CFAP43: variants seen among roughly 807,000 people sequenced by gnomAD.
CFAP43 encodes cilia- and flagella-associated protein 43.
In CFAP43, 155 loss-of-function variants were observed where a neutral mutation model predicts 218.9. The ratio of observed to expected loss-of-function variants is 0.71; its 90% CI spans 0.62 to 0.81. The LOEUF (loss-of-function observed/expected upper bound fraction) is 0.81, where lower values mean the gene tolerates loss of function less well. Ranked by LOEUF, CFAP43 falls within the 30% of genes least tolerant of loss-of-function variation. The pLI is 0.00. For synonymous variants in CFAP43, 645 were observed against 681.3 expected, an observed-to-expected ratio of 0.95 and a Z score of 0.83; for missense variants, 1,778 against 1,954.3, an observed-to-expected ratio of 0.91 and a Z score of 1.70.
intron 24 of CFAP43, among the ~76,000 whole-genome samples, chr10:104,162,673 G>C (rs542154503): frequency 1.1e-4 from 17 of 151,914 alleles, no homozygotes; most frequent in Admixed American, 2.0e-4. Flanking sequence ...GGGGAGGGAG[G>C]GGGGCTCAAA....
intron 11 of CFAP43, 181 bp downstream of exon 11, chr10:104,193,685 T>G: frequency 1.4e-6 from 1 of 728,624 alleles, no homozygotes; most frequent in Non-Finnish European, 2.1e-6. Flanking sequence ...CAGACCTGGG[T>G]ATGGGGGGTA....
chr10:104,140,172 T>C lies in CFAP43; in HGVS notation c.4431+670A>G, dbSNP rs537857586. The stretch of plus-strand genomic sequence containing the variant: ...ACCTAAAGCTTATACAGAAATAACA[T>C]TAAATGTTCATATTAGAAAAGAAGT... On this transcript the variant is annotated intron_variant, in intron 34 of 37. Transcript: ENST00000357060. Among the ~76,000 whole-genome samples the C allele has an allele frequency of 3.9e-5, 6 of 152,302 alleles. No individual in the cohort carries two copies. In the East Asian group the frequency reaches 9.6e-4, roughly 24 times the overall value.
At chr10:104,147,330 C>G (rs750040368) in intron 29 of CFAP43, among the ~76,000 whole-genome samples, 2 of 151,850 alleles carry the variant, frequency 1.3e-5, no homozygotes, top group Non-Finnish European at 2.9e-5. Flanking sequence ...CATAAATGCT[C>G]TTTACTAATA....
intron 23 of CFAP43, 101 bp downstream of exon 23, chr10:104,166,387 T>C: frequency 3.5e-6 from 3 of 862,358 alleles, no homozygotes; most frequent in Middle Eastern, 3.4e-4. Context: ...TATGTATTTT[T>C]AAATCATCAT....
intron 37 of CFAP43, among the ~76,000 whole-genome samples, chr10:104,131,125 G>C (rs568229412): frequency 6.6e-6 from 1 of 151,668 alleles, no homozygotes; most frequent in African/African-American, 2.4e-5. Flanking sequence ...GAATCATTCC[G>C]TACCCCAAAC....
At chr10:104,134,008 A>G (rs1246655545) in intron 34 of CFAP43, among the ~76,000 whole-genome samples, 2 of 152,164 alleles carry the variant, frequency 1.3e-5, no homozygotes, top group African/African-American at 4.8e-5. Flanking sequence ...TAAATAGCAG[A>G]GCCAATTTAC....
chr10:104,194,900 TC>T (rs2090341736), intron 10 of CFAP43, among the ~76,000 whole-genome samples: 1 of 152,214 alleles, frequency 6.6e-6, no homozygotes, highest in African/African-American at 2.4e-5. Context: ...CAGCCAGGTG[TC>T]CTGCCTTATT....
Position 104,173,540 on chromosome 10 carries a change from G to C in CFAP43, c.2461-1005C>G, listed in dbSNP as rs775747254. 2.0e-5 allele frequency among the ~76,000 whole-genome samples: 3 copies of C among 152,212 alleles called. No homozygotes were observed. The South Asian group carries it at 6.2e-4, about 32-fold the overall frequency. ...ACCCTACCTGGTGAAGTTCCCTAGG[G>C]TCCAGCAGTAGTAACTGGAGTGTTT... is the stretch of plus-strand genomic sequence containing the variant. On this transcript the variant is annotated intron_variant, in intron 19 of 37. Transcript: ENST00000357060.
At chr10:104,180,314 CT>C in intron 17 of CFAP43, among the ~76,000 whole-genome samples, 1 of 152,262 alleles carries the variant, frequency 6.6e-6, no homozygotes, top group East Asian at 1.9e-4. Flanking sequence ...ATGCCATCTC[CT>C]TCTGTATCAT....
chr10:104,161,229 A>C, intron 26 of CFAP43, 67 bp from the exon 27 acceptor site: 78 of 1,514,190 alleles, frequency 5.2e-5, no homozygotes, highest in Non-Finnish European at 6.2e-5. Context: ...GTAAAAGCTC[A>C]GAGTTTTTTT....
Position 104,142,325 on chromosome 10 carries a change from C to T in CFAP43, c.4227G>A (p.Glu1409=). The change falls in exon 33 of 38, where the codon GAG becomes GAA. Residue 1409 remains glutamate, a synonymous_variant. Transcript: ENST00000357060. ...CTCTCTCAATCTCCTGTTGCACCTT[C>T]TCTTCCTCCTCAACTCTCTTCTGGA... The part of the protein sequence containing the change: ...TFLQKRVEEE[E]KVQQEIERVF... 6.2e-7 allele frequency: 1 copy of T among 1,613,670 alleles called. No individual in the cohort carries two copies.
intron 28 of CFAP43, among the ~76,000 whole-genome samples, chr10:104,149,800 C>A (rs1049082029): frequency 1.3e-5 from 2 of 152,138 alleles, no homozygotes; most frequent in African/African-American, 4.8e-5. Context: ...ATACAATTCA[C>A]CATTTACAGT....
At position 104,145,554 on chromosome 10, in the gene CFAP43, C is replaced by A; in HGVS notation, c.3866G>T (p.Arg1289Leu). The A allele has an allele frequency of 6.2e-7, 1 of 1,600,064 alleles. No homozygotes were observed. The change falls in exon 31 of 38, where the codon CGC (arginine) becomes CTC (leucine). Residue 1289 changes from arginine (R) to leucine (L), a missense_variant. This residue lies in a region of CFAP43 where 1,553 missense variants were observed against 1,685.2 expected (regional missense o/e 0.92). Transcript: ENST00000357060. The stretch of plus-strand genomic sequence containing the variant: ...TTCAGAAAATTCCTTTTTAAAGCTG[C>A]GATCCATAACCTAAGGACAAACATG... ...NLLAEDKVMDRSFKKEFSEIP... is the reference protein window; with the variant it reads ...NLLAEDKVMDLSFKKEFSEIP...
rs10883979 is a variant in CFAP43 at position 104,197,956 on chromosome 10, A to G, written c.1178T>C (p.Ile393Thr). Residue 393 changes from isoleucine to threonine, a missense_variant, in exon 9 of 38, where the codon ATT (isoleucine) becomes ACT (threonine). Ile to Thr is a moderately conservative substitution (Grantham distance 89). Transcript: ENST00000357060. Reference sequence around the variant, plus strand: ...TTGGGTTCCAGGTGTGATAAAGTCAATTGCCTGAAATTTCCCATCACAAGC... The same window carrying G: ...TTGGGTTCCAGGTGTGATAAAGTCAGTTGCCTGAAATTTCCCATCACAAGC... ...LDACDGKFQA[I>T]DFITPGTQYF... is the part of the protein sequence containing the mutation. 0.057 allele frequency: 92,000 copies of G among 1,612,784 alleles called. 3,284 individuals carry two copies. Among genetic ancestry groups the G allele is most frequent in the South Asian group, 0.13 (11,485 of 90,966 alleles).
At chr10:104,192,363 A>G in intron 11 of CFAP43, 61 bp from the exon 12 acceptor site, 1 of 1,280,046 alleles carries the variant, frequency 7.8e-7, no homozygotes, top group Non-Finnish European at 1.1e-6. Flanking sequence ...ATGGTGAACA[A>G]GTTTATTGAA....
intron 37 of CFAP43, among the ~76,000 whole-genome samples, chr10:104,130,857 G>A (rs2087147565): frequency 6.6e-6 from 1 of 151,942 alleles, no homozygotes. Flanking sequence ...AATTAGCCGG[G>A]CATGGTGGTT....
intron 24 of CFAP43, among the ~76,000 whole-genome samples, chr10:104,162,672 G>T (rs2088940755): frequency 6.6e-6 from 1 of 152,002 alleles, no homozygotes; most frequent in South Asian, 2.1e-4. Flanking sequence ...AGGGGAGGGA[G>T]GGGGGCTCAA....
rs892937355 is a variant in CFAP43 at position 104,193,740 on chromosome 10, G to A, written c.1442+126C>T. On this transcript the variant is annotated intron_variant, in intron 11 of 37. Coordinates refer to ENST00000357060, the MANE Select transcript of CFAP43 (RefSeq NM_025145.7). The stretch of plus-strand genomic sequence containing the variant: ...GTACCTTTTGAGTGTTGAACTGTGT[G>A]AATATATTAACATTCAAAACAAATG... 6.2e-6 allele frequency: 8 copies of A among 1,284,948 alleles called. No individual in the cohort carries two copies. The African/African-American group carries it at 1.2e-4, about 19-fold the overall frequency. The allele number at this position is 1,284,948 out of a possible 1,614,324, so 79.6% of individuals were successfully genotyped here.
intron 8 of CFAP43, among the ~76,000 whole-genome samples, chr10:104,200,548 G>A (rs948462183): frequency 3.3e-5 from 5 of 151,804 alleles, no homozygotes; most frequent in African/African-American, 1.2e-4. Context: ...GCGCACACCT[G>A]TAGTCCCAGC....
Sources: gnomAD v4.1 joint callset for allele counts (sites outside exome capture counted in the v4.1 genomes callset) on GRCh38, gnomAD v4.1.1 for gene constraint, gnomAD v4.1.1 regional missense constraint, MANE v1.5 for transcripts, NCBI Gene and HGNC (gene_info 2026-07-23, HGNC 2026-07-21) for gene names.